SDK1: variants seen among roughly 807,000 people sequenced by gnomAD.
SDK1 encodes protein sidekick-1.
Under a neutral mutation model 245.5 loss-of-function variants are expected in SDK1, and 157 were observed. The ratio of observed to expected loss-of-function variants is 0.64; its 90% CI spans 0.56 to 0.73. The LOEUF is 0.73. Among genes scored for constraint, SDK1 ranks in the 30% least tolerant of loss-of-function variants. SDK1 has a pLI of 0.00. For missense variants in SDK1, 3,583 were observed against 3,002.3 expected, an observed-to-expected ratio of 1.19 and a Z score of -4.52; for synonymous variants, 1,647 against 1,278.5, an observed-to-expected ratio of 1.29 and a Z score of -6.15.
chr7:3,486,942 G>T (rs1781716663), intron 1 of SDK1, among the ~76,000 whole-genome samples: 6 of 152,116 alleles, frequency 3.9e-5, no homozygotes, highest in Admixed American at 3.9e-4. Context: ...ATGTGTAAAG[G>T]TTATATTTGC....
chr7:3,878,828 G>A (rs1448563801), intron 5 of SDK1, among the ~76,000 whole-genome samples: 7 of 151,970 alleles, frequency 4.6e-5, no homozygotes, highest in Non-Finnish European at 8.8e-5. Context: ...GCAGCCCTGT[G>A]ACATTTAAAA....
At chr7:3,437,305 G>A (rs1562485889) in intron 1 of SDK1, among the ~76,000 whole-genome samples, 2 of 151,952 alleles carry the variant, frequency 1.3e-5, no homozygotes, top group South Asian at 4.2e-4. Flanking sequence ...TGGGCCTTGG[G>A]GTGGAATTAA....
At chr7:3,527,834 G>C (rs540531470) in intron 1 of SDK1, among the ~76,000 whole-genome samples, 2 of 151,888 alleles carry the variant, frequency 1.3e-5, no homozygotes, top group South Asian at 4.2e-4. Flanking sequence ...ATGATAGTCA[G>C]CTAGGGGGTG....
intron 5 of SDK1, among the ~76,000 whole-genome samples, chr7:3,919,126 G>T (rs1022054818): frequency 1.3e-5 from 2 of 152,082 alleles, no homozygotes; most frequent in Non-Finnish European, 2.9e-5. Flanking sequence ...TATCTCAGCT[G>T]CTTCATCTCC....
chr7:3,567,916 G>T (rs1488004929), intron 1 of SDK1, among the ~76,000 whole-genome samples: 1 of 152,106 alleles, frequency 6.6e-6, no homozygotes, highest in African/African-American at 2.4e-5. Flanking sequence ...GGCCCAAGTG[G>T]GCTGATCTTC....
chr7:3,354,664 C>T (rs1208125459), intron 1 of SDK1, among the ~76,000 whole-genome samples: 1 of 152,134 alleles, frequency 6.6e-6, no homozygotes, highest in African/African-American at 2.4e-5. Context: ...AATTGTGTTT[C>T]ATTGGGAATT....
At chr7:3,563,250 A>T (rs1333300422) in intron 1 of SDK1, among the ~76,000 whole-genome samples, 3 of 152,212 alleles carry the variant, frequency 2.0e-5, no homozygotes, top group Non-Finnish European at 4.4e-5. Context: ...AAAATATGAA[A>T]AAAAGCTGGA....
At chr7:4,022,092 C>G (rs1038483604) in intron 17 of SDK1, among the ~76,000 whole-genome samples, 11 of 152,110 alleles carry the variant, frequency 7.2e-5, no homozygotes, top group Non-Finnish European at 1.5e-4. Context: ...TCAAGGCAGC[C>G]TAGGGGCTTG....
intron 1 of SDK1, among the ~76,000 whole-genome samples, chr7:3,380,250 TACTG>T (rs1485843057): frequency 1.3e-5 from 2 of 152,208 alleles, no homozygotes; most frequent in Non-Finnish European, 2.9e-5. Context: ...ACTGTGTACT[TACTG>T]GAAATGGCCT....
chr7:4,015,639 C>T (rs1786333055), intron 16 of SDK1, among the ~76,000 whole-genome samples: 1 of 152,104 alleles, frequency 6.6e-6, no homozygotes, highest in Non-Finnish European at 1.5e-5. Flanking sequence ...GCAGGTCGTT[C>T]AGTAAAGGAG....
At chr7:3,599,202 T>C (rs964416970) in intron 1 of SDK1, among the ~76,000 whole-genome samples, 2 of 151,934 alleles carry the variant, frequency 1.3e-5, no homozygotes, top group African/African-American at 2.4e-5. Context: ...GTGGTTTAAT[T>C]TGCGATTCTC....
At chr7:3,593,242 G>GC (rs1780942331) in intron 1 of SDK1, among the ~76,000 whole-genome samples, 1 of 152,138 alleles carries the variant, frequency 6.6e-6, no homozygotes, top group African/African-American at 2.4e-5. Flanking sequence ...TTGAAAAGTG[G>GC]CCTTTTGTCT....
intron 28 of SDK1, among the ~76,000 whole-genome samples, chr7:4,139,541 A>ATGTGTGTGTATATGTATATATGTGTG (rs1562871802): frequency 1.3e-4 from 4 of 31,336 alleles, no homozygotes; most frequent in African/African-American, 3.3e-4. Flanking sequence ...GTGTGTATAT[A>ATGTGTGTGTATATGTATATATGTGTG]TGTGTGTGTA....
chr7:3,888,405 C>T (rs1399336915), intron 5 of SDK1, among the ~76,000 whole-genome samples: 1 of 152,214 alleles, frequency 6.6e-6, no homozygotes, highest in Admixed American at 6.5e-5. Context: ...GAACCGTACC[C>T]CGCCTCTGCA....
chr7:4,194,386 A>G (rs1402223994), intron 35 of SDK1, among the ~76,000 whole-genome samples: 2 of 114,426 alleles, frequency 1.7e-5, no homozygotes, highest in Admixed American at 1.6e-4. Flanking sequence ...GTATGTGTAT[A>G]CATGTATACA....
intron 4 of SDK1, among the ~76,000 whole-genome samples, chr7:3,745,622 T>C (rs1257116073): frequency 1.3e-5 from 2 of 152,182 alleles, no homozygotes; most frequent in Non-Finnish European, 2.9e-5. Context: ...ACAATCAAGA[T>C]GTGCAACTGA....
intron 22 of SDK1, among the ~76,000 whole-genome samples, chr7:4,091,035 A>T (rs1781756238): frequency 1.3e-5 from 2 of 152,040 alleles, no homozygotes; most frequent in Non-Finnish European, 1.5e-5. Flanking sequence ...TTCTGCTTGG[A>T]TGCCTTCTTT....
chr7:3,543,043 T>A (rs1373458032), intron 1 of SDK1, among the ~76,000 whole-genome samples: 2 of 152,204 alleles, frequency 1.3e-5, no homozygotes, highest in Non-Finnish European at 2.9e-5. Flanking sequence ...TTTGTTCTCA[T>A]CTCCATCTGG....
At chr7:3,755,451 A>T (rs1047651188) in intron 4 of SDK1, among the ~76,000 whole-genome samples, 5 of 152,116 alleles carry the variant, frequency 3.3e-5, no homozygotes, top group Non-Finnish European at 7.4e-5. Context: ...GCCTCACTGG[A>T]TACTGAGAAA....
Sources: gnomAD v4.1 joint callset for allele counts (sites outside exome capture counted in the v4.1 genomes callset) on GRCh38, gnomAD v4.1.1 for gene constraint, MANE v1.5 for transcripts, NCBI Gene and HGNC (gene_info 2026-07-23, HGNC 2026-07-21) for gene names.